POLR1F: variants seen among roughly 807,000 people sequenced by gnomAD.
The protein encoded by POLR1F is DNA-directed RNA polymerase I subunit RPA43.
In POLR1F, 23 loss-of-function variants were observed where a neutral mutation model predicts 21.8. The ratio of observed to expected loss-of-function variants is 1.05; its 90% CI spans 0.76 to 1.49. The LOEUF (loss-of-function observed/expected upper bound fraction) is 1.49. Ranked by LOEUF, POLR1F falls within the 40% of genes most tolerant of loss-of-function variation. The pLI, the probability that POLR1F is intolerant of heterozygous loss-of-function variation, is 0.00. For synonymous variants in POLR1F, 162 were observed against 152.8 expected (o/e 1.06, Z -0.45); for missense variants, 435 against 412.1 (o/e 1.06, Z -0.48).
rs150577087 is a variant in POLR1F, at chr7:19,698,875, A to T, written c.606-148T>A. ...CCATGGCATAAATTCCAAATATTCT[A>T]TCCTGTTATCCCTCAACCCACTAAA... On this transcript the variant is annotated intron_variant, in intron 3 of 3. Coordinates refer to ENST00000222567, the MANE Select transcript of POLR1F (RefSeq NM_001002926.2). The T allele has an allele frequency of 9.3e-6, 5 of 539,366 alleles. No individual in the cohort carries two copies. The African/African-American group carries it at 9.8e-5, about 11-fold the overall frequency. 33.4% of individuals were successfully genotyped at this position (539,366 alleles called of 1,614,324 possible). A position where few individuals can be genotyped will look rare whatever the true frequency, so the allele number is the denominator to read the frequency against.
Position 19,697,500 on chromosome 7 carries a change from T to G in POLR1F, c.*816A>C, listed in dbSNP as rs902830154. The G allele has an allele frequency of 7.2e-5, 11 of 152,160 alleles. No individual in the cohort carries two copies. Among genetic ancestry groups the G allele is most frequent in the African/African-American group, 2.4e-4 (10 of 41,452 alleles). The allele number at this position is 152,160 out of a possible 1,614,324, so 9.4% of individuals were successfully genotyped here. On this transcript the variant is annotated 3_prime_UTR_variant, in exon 4 of 4. Transcript: ENST00000222567. ...AGTGAACAGAACAACTGTTTTCTCT[T>G]CAGCACAATATCTTATAGCCCATTC...
At chr7:19,707,409 G>T (rs574539379) in intron 1 of POLR1F, among the ~76,000 whole-genome samples, 11 of 152,150 alleles carry the variant, frequency 7.2e-5, no homozygotes, top group Non-Finnish European at 1.3e-4. Flanking sequence ...GGCAATGGCA[G>T]GAAGGGAAAA....
chr7:19,702,344 AAT>A (rs1181793959), intron 2 of POLR1F, among the ~76,000 whole-genome samples: 1 of 152,210 alleles, frequency 6.6e-6, no homozygotes, highest in Admixed American at 6.5e-5. Flanking sequence ...TTAATATATG[AAT>A]CCAGAACAAC....
Position 19,708,843 on chromosome 7 carries a change from C to T in POLR1F, c.174G>A (p.Ala58=). 1 of 1,614,198 alleles carries T rather than the reference C, an allele frequency of 6.2e-7. No homozygotes were observed. The highest frequency in any genetic ancestry group is 2.2e-5 in the East Asian group (1 of 44,880). The change falls in exon 1 of 4, where the codon GCG becomes GCA. Residue 58 remains alanine (A), a synonymous_variant. Coordinates refer to ENST00000222567, the MANE Select transcript of POLR1F (RefSeq NM_001002926.2). ...LVAGPHQRHI[A]LSPRYLNRKR... is the part of the protein sequence containing the mutation. ...TCCTGTTAAGGTAGCGGGGCGACAG[C>T]GCGATGTGCCTTTGGTGCGGCCCGG...
intron 1 of POLR1F, among the ~76,000 whole-genome samples, chr7:19,706,246 T>C (rs980866114): frequency 1.3e-5 from 2 of 152,158 alleles, no homozygotes; most frequent in Non-Finnish European, 2.9e-5. Flanking sequence ...TTTTCTGAGG[T>C]TTTAATTTCC....
At chr7:19,703,509 T>C (rs1467017441) in intron 2 of POLR1F, among the ~76,000 whole-genome samples, 1 of 152,200 alleles carries the variant, frequency 6.6e-6, no homozygotes, top group Non-Finnish European at 1.5e-5. Context: ...GATCTTGTAG[T>C]AGGTAGATTA....
chr7:19,704,750 A>T, intron 2 of POLR1F, 29 bp downstream of exon 2: 1 of 1,560,466 alleles, frequency 6.4e-7, no homozygotes. Flanking sequence ...AATTATACAA[A>T]GGGAGCTAGA....
At chr7:19,704,691 C>T in intron 2 of POLR1F, 88 bp downstream of exon 2, 3 of 1,180,690 alleles carry the variant, frequency 2.5e-6, no homozygotes, top group Non-Finnish European at 3.5e-6. Flanking sequence ...TTATTTGAGT[C>T]CCAAGGTATA....
rs749195699 is a variant in POLR1F at position 19,695,623 on chromosome 7, TTAC to T, written c.*2690_*2692del. On this transcript the variant is annotated 3_prime_UTR_variant, in exon 4 of 4. Coordinates refer to ENST00000222567, the MANE Select transcript of POLR1F (RefSeq NM_001002926.2). Reference sequence around the variant, plus strand: ...GACAAATTTGATTAAGAGACAAGCTTTACAAACAGGTAAACAGTTTGAAATAAT... The same window carrying T: ...GACAAATTTGATTAAGAGACAAGCTTAAACAGGTAAACAGTTTGAAATAAT... 2.4e-4 allele frequency: 36 copies of T among 152,106 alleles called. No homozygotes were observed. Among genetic ancestry groups the T allele is most frequent in the Non-Finnish European group, 1.9e-4 (13 of 67,948 alleles). The allele number at this position is 152,106 out of a possible 1,614,324, so 9.4% of individuals were successfully genotyped here. A position where few individuals can be genotyped will look rare whatever the true frequency, so the allele number is the denominator to read the frequency against.
chr7:19,704,656 ATATT>A (rs1783493036), intron 2 of POLR1F, 119 bp downstream of exon 2: 8 of 898,694 alleles, frequency 8.9e-6, no homozygotes, highest in South Asian at 2.0e-5. Flanking sequence ...CTTAAAAATA[ATATT>A]TATTTACTCA....
Position 19,708,883 on chromosome 7 carries a change from T to C in POLR1F, c.134A>G (p.Tyr45Cys). 6.2e-7 allele frequency: 1 copy of C among 1,613,924 alleles called. No individual in the cohort carries two copies. Among genetic ancestry groups the C allele is most frequent in the African/African-American group, 1.3e-5 (1 of 74,940 alleles). Reference sequence around the variant, plus strand: ...GTGCGGCCCGGCCACCAGGCATGAGTAGCGACTGTTCACCAGCGCACAAGC... The same window carrying C: ...GTGCGGCCCGGCCACCAGGCATGAGCAGCGACTGTTCACCAGCGCACAAGC... ...AAACALVNSR[Y>C]SCLVAGPHQR... The change falls in exon 1 of 4, where the codon TAC (tyrosine) becomes TGC (cysteine). Residue 45 changes from tyrosine (Y) to cysteine (C), a missense_variant. Physicochemically the swap from Tyr to Cys is radical, Grantham distance 194. Coordinates refer to ENST00000222567, the MANE Select transcript of POLR1F (RefSeq NM_001002926.2).
At position 19,708,975 on chromosome 7, in the gene POLR1F, AGCC is replaced by A; in HGVS notation, c.39_41del (p.Ala14del). On this transcript the variant is annotated inframe_deletion, in exon 1 of 4. Transcript: ENST00000222567. ...CCTGCCCTACCAGAGACCCATCAGA[AGCC>A]GCCGCTGGCCGCGGCGCCTCTGAGC... The A allele has an allele frequency of 6.3e-7, 1 of 1,599,120 alleles. No individual in the cohort carries two copies. The highest frequency in any genetic ancestry group is 8.5e-7 in the Non-Finnish European group (1 of 1,170,916).
intron 2 of POLR1F, 54 bp downstream of exon 2, chr7:19,704,725 G>C: frequency 6.8e-7 from 1 of 1,481,358 alleles, no homozygotes; most frequent in Non-Finnish European, 9.0e-7. Flanking sequence ...AATGTTCCAA[G>C]TTACATAATT....
chr7:19,701,349 G>A (rs1168369057), intron 2 of POLR1F, among the ~76,000 whole-genome samples: 1 of 152,188 alleles, frequency 6.6e-6, no homozygotes, highest in East Asian at 1.9e-4. Flanking sequence ...ACAGTAAAAA[G>A]ATCAGTGGTT....
At chr7:19,708,694 GCGT>G in intron 1 of POLR1F, 66 bp downstream of exon 1, 1 of 1,553,850 alleles carries the variant, frequency 6.4e-7, no homozygotes, top group Non-Finnish European at 8.7e-7. Context: ...CCTTTCTGCT[GCGT>G]CGTCAGCACA....
intron 1 of POLR1F, chr7:19,705,555 G>A (rs1783509552): frequency 6.6e-6 from 1 of 152,434 alleles, no homozygotes; most frequent in African/African-American, 2.4e-5. Flanking sequence ...GGTTAAAGCT[G>A]AAGCCCCTGA....
intron 3 of POLR1F, among the ~76,000 whole-genome samples, chr7:19,699,659 A>G (rs891686346): frequency 6.6e-6 from 1 of 152,192 alleles, no homozygotes; most frequent in African/African-American, 2.4e-5. Context: ...TAATACAGAA[A>G]TTAAAATATC....
At position 19,695,617 on chromosome 7, in the gene POLR1F, C is replaced by A. The variant is rs2128005480; in HGVS notation, c.*2699G>T. On this transcript the variant is annotated 3_prime_UTR_variant, in exon 4 of 4. Transcript: ENST00000222567. ...GGTCAAGACAAATTTGATTAAGAGA[C>A]AAGCTTTACAAACAGGTAAACAGTT... 6.6e-6 allele frequency: 1 copy of A among 152,180 alleles called. No homozygotes were observed. The highest frequency in any genetic ancestry group is 2.1e-4 in the South Asian group (1 of 4,830). 9.4% of individuals were successfully genotyped at this position (152,180 alleles called of 1,614,324 possible). A position where few individuals can be genotyped will look rare whatever the true frequency, so the allele number is the denominator to read the frequency against.
chr7:19,699,438 G>A (rs985154200), intron 3 of POLR1F, among the ~76,000 whole-genome samples: 7 of 152,120 alleles, frequency 4.6e-5, no homozygotes, highest in African/African-American at 1.7e-4. Context: ...GCTGTACTAT[G>A]TATATAAACT....
Sources: gnomAD v4.1 joint callset for allele counts (sites outside exome capture counted in the v4.1 genomes callset) on GRCh38, gnomAD v4.1.1 for gene constraint, MANE v1.5 for transcripts, NCBI Gene and HGNC (gene_info 2026-07-23, HGNC 2026-07-21) for gene names.